ROCK2: variants seen among roughly 807,000 people sequenced by gnomAD.
ROCK2 encodes rho-associated protein kinase 2.
A neutral mutation model predicts 195.1 loss-of-function variants in ROCK2; 61 were observed. That is an observed-to-expected ratio of 0.31 (90% CI 0.25 to 0.39). The LOEUF (loss-of-function observed/expected upper bound fraction) is 0.39. ROCK2 is among the 10% of genes least tolerant of loss of function. The probability of loss-of-function intolerance (pLI) is 1.00; values close to 1 mark genes in which losing one functional copy is unlikely to be tolerated. For missense variants in ROCK2, 1,109 were observed against 1,637.4 expected (o/e 0.68, Z 5.57); for synonymous variants, 504 against 545.5 (o/e 0.92, Z 1.06).
At position 11,227,411 on chromosome 2, in the gene ROCK2, G is replaced by A. The variant is rs752487433; in HGVS notation, c.724-13C>T. 19 of 1,600,226 alleles carry A rather than the reference G, an allele frequency of 1.2e-5. No homozygotes were observed. The East Asian group carries it at 4.0e-4, about 34-fold the overall frequency. On this transcript the variant is annotated splice_polypyrimidine_tract_variant and intron_variant, in intron 5 of 32. Coordinates refer to ENST00000315872, the MANE Select transcript of ROCK2 (RefSeq NM_004850.5). ...GTACCATGCCTGTCTGCATGAACAG[G>A]AGAGATAAAGAAAAAACAGTTCAGT...
chr2:11,295,824 G>A (rs1358318535), intron 1 of ROCK2, among the ~76,000 whole-genome samples: 1 of 151,990 alleles, frequency 6.6e-6, no homozygotes, highest in African/African-American at 2.4e-5. Flanking sequence ...AGGCGTGGTG[G>A]TACACGCCTG....
intron 23 of ROCK2, among the ~76,000 whole-genome samples, chr2:11,199,401 C>T (rs1057506947): frequency 2.6e-5 from 4 of 151,788 alleles, no homozygotes; most frequent in Non-Finnish European, 5.9e-5. Context: ...ACTGTAGCCT[C>T]AGCCTCCAAG....
intron 20 of ROCK2, among the ~76,000 whole-genome samples, chr2:11,203,267 G>T (rs989479630): frequency 6.6e-6 from 1 of 152,056 alleles, no homozygotes; most frequent in African/African-American, 2.4e-5. Context: ...AAGCAAGTTG[G>T]AGAACAATAC....
chr2:11,230,280 T>C (rs573690330), intron 5 of ROCK2, among the ~76,000 whole-genome samples: 12 of 152,192 alleles, frequency 7.9e-5, no homozygotes, highest in African/African-American at 2.9e-4. Flanking sequence ...TCTTGAACAT[T>C]GTATAGTGTC....
intron 4 of ROCK2, among the ~76,000 whole-genome samples, chr2:11,242,518 T>C (rs1665462878): frequency 6.6e-6 from 1 of 152,090 alleles, no homozygotes; most frequent in Admixed American, 6.5e-5. Context: ...TTCCAGATGA[T>C]GGCTGGAATT....
intron 3 of ROCK2, among the ~76,000 whole-genome samples, chr2:11,274,875 A>C (rs1410306265): frequency 6.6e-6 from 1 of 152,208 alleles, no homozygotes; most frequent in East Asian, 1.9e-4. Context: ...GAGAGTACTG[A>C]ATCCTATATA....
chr2:11,221,161 A>G (rs1664625014), intron 9 of ROCK2, 37 bp downstream of exon 9: 1 of 1,450,394 alleles, frequency 6.9e-7, no homozygotes, highest in African/African-American at 1.5e-5. Context: ...GCTAGATTCT[A>G]AAAACAGTAA....
chr2:11,248,118 A>G (rs552171393), intron 4 of ROCK2, among the ~76,000 whole-genome samples: 63 of 151,938 alleles, frequency 4.1e-4, no homozygotes, highest in African/African-American at 1.4e-3. Flanking sequence ...TACAATTTAA[A>G]TAAAAAGTGG....
chr2:11,298,942 G>A (rs1301668939), intron 1 of ROCK2, among the ~76,000 whole-genome samples: 1 of 152,006 alleles, frequency 6.6e-6, no homozygotes, highest in Non-Finnish European at 1.5e-5. Context: ...AAACTACAGA[G>A]ATTTAAAAAT....
intron 1 of ROCK2, among the ~76,000 whole-genome samples, chr2:11,290,003 A>T (rs1667311307): frequency 6.6e-6 from 1 of 152,218 alleles, no homozygotes; most frequent in South Asian, 2.1e-4. Context: ...TGATACTTTA[A>T]TGTAGGTTGA....
At chr2:11,296,250 C>A (rs1489852946) in intron 1 of ROCK2, among the ~76,000 whole-genome samples, 1 of 151,976 alleles carries the variant, frequency 6.6e-6, no homozygotes, top group Non-Finnish European at 1.5e-5. Context: ...AGATAGATAG[C>A]TAAGCTACTC....
chr2:11,283,567 CAA>C (rs1456842952), intron 3 of ROCK2, among the ~76,000 whole-genome samples: 1 of 55,320 alleles, frequency 1.8e-5, no homozygotes, highest in Non-Finnish European at 3.5e-5. Context: ...GACTCCGTCT[CAA>C]AAAAAAAAAA....
At chr2:11,281,840 G>A (rs1667013833) in intron 3 of ROCK2, among the ~76,000 whole-genome samples, 1 of 152,118 alleles carries the variant, frequency 6.6e-6, no homozygotes, top group Admixed American at 6.5e-5. Context: ...AAACTCTGAT[G>A]ACAGAAATCA....
chr2:11,187,789 G>T (rs1663252785), intron 32 of ROCK2, among the ~76,000 whole-genome samples: 1 of 152,062 alleles, frequency 6.6e-6, no homozygotes, highest in Admixed American at 6.6e-5. Flanking sequence ...TCAAGATCAG[G>T]TATATATTCA....
At chr2:11,193,930 A>C in intron 29 of ROCK2, 73 bp from the exon 30 acceptor site, 5 of 794,728 alleles carry the variant, frequency 6.3e-6, no homozygotes, top group Non-Finnish European at 1.0e-5. Flanking sequence ...TTCTATACTT[A>C]CATCAGACGT....
intron 4 of ROCK2, among the ~76,000 whole-genome samples, chr2:11,249,311 T>C (rs1362056448): frequency 6.6e-6 from 1 of 152,232 alleles, no homozygotes; most frequent in Non-Finnish European, 1.5e-5. Flanking sequence ...AATATGTATA[T>C]ATCCTTCCAG....
intron 13 of ROCK2, 69 bp downstream of exon 13, chr2:11,216,089 C>T: frequency 2.5e-6 from 3 of 1,220,984 alleles, no homozygotes; most frequent in Non-Finnish European, 3.6e-6. Flanking sequence ...CAAGAGAGCT[C>T]CTTAGGTAAG....
intron 29 of ROCK2, 145 bp downstream of exon 29, chr2:11,194,111 C>T (rs1052614101): frequency 6.5e-6 from 3 of 458,470 alleles, no homozygotes; most frequent in African/African-American, 4.1e-5. Context: ...ACCCTGTATC[C>T]CAGACTTTCA....
At chr2:11,230,079 T>C (rs536989848) in intron 5 of ROCK2, among the ~76,000 whole-genome samples, 1 of 152,288 alleles carries the variant, frequency 6.6e-6, no homozygotes, top group East Asian at 1.9e-4. Flanking sequence ...TATGGTTTAG[T>C]ACATTTAGTA....
Sources: allele counts gnomAD v4.1 joint callset (sites outside exome capture counted in the v4.1 genomes callset), GRCh38; gene constraint gnomAD v4.1.1; transcripts MANE v1.5; gene names NCBI Gene and HGNC (gene_info 2026-07-23, HGNC 2026-07-21).